The following MYH11 variants were observed in gnomAD, a reference collection of about 807,000 sequenced individuals.
MYH11 encodes the protein myosin heavy chain 11.
Under a neutral mutation model 246.6 loss-of-function variants are expected in MYH11, and 80 were observed. The ratio of observed to expected loss-of-function variants is 0.32; its 90% confidence interval spans 0.27 to 0.39. MYH11 has a LOEUF of 0.39. MYH11 is among the 10% of genes least tolerant of loss of function. The pLI, the probability that MYH11 is intolerant of heterozygous loss-of-function variation, is 1.00. For synonymous variants in MYH11, 1,071 were observed against 1,015.5 expected, an observed-to-expected ratio of 1.05 and a Z score of -1.04; for missense variants, 2,158 against 2,546.8, an observed-to-expected ratio of 0.85 and a Z score of 3.29.
intron 4 of MYH11, chr16:15,792,241 G>A: frequency 6.6e-6 from 1 of 152,044 alleles, no homozygotes; most frequent in East Asian, 1.9e-4. Context: ...TGATTTTGTG[G>A]GGTCTCGCTA....
chr16:15,763,741 T>TGGGCCC, intron 10 of MYH11, 55 bp downstream of exon 10: 4 of 646,856 alleles, frequency 6.2e-6, no homozygotes, highest in East Asian at 3.2e-5. Context: ...AAATGTCACC[T>TGGGCCC]CCCCCACCCC....
At chr16:15,812,333 T>C (rs142380255) in intron 3 of MYH11, among the ~76,000 whole-genome samples, 2 of 152,150 alleles carry the variant, frequency 1.3e-5, no homozygotes, top group East Asian at 3.9e-4. Flanking sequence ...AAGCATATGC[T>C]GAGGGCACAC....
intron 3 of MYH11, among the ~76,000 whole-genome samples, chr16:15,814,441 T>A (rs1036079314): frequency 5.4e-5 from 8 of 149,442 alleles, no homozygotes; most frequent in African/African-American, 1.7e-4. Context: ...TAATCCCAGC[T>A]ACTTGGGAGG....
chr16:15,720,361 C>G, intron 33 of MYH11, 49 bp from the exon 34 acceptor site: 1 of 1,586,920 alleles, frequency 6.3e-7, no homozygotes, highest in Non-Finnish European at 8.6e-7. Context: ...CCTGGGAGGT[C>G]CTTTGGCTCA....
At chr16:15,856,187 TG>T in intron 1 of MYH11, among the ~76,000 whole-genome samples, 1 of 150,226 alleles carries the variant, frequency 6.7e-6, no homozygotes, top group East Asian at 2.0e-4. Flanking sequence ...CCTGGGTATC[TG>T]GGGGCCCTTT....
chr16:15,764,011 T>A, intron 9 of MYH11, 120 bp from the exon 10 acceptor site: 1 of 783,348 alleles, frequency 1.3e-6, no homozygotes, highest in Non-Finnish European at 2.3e-6. Context: ...CTGAAGAAAC[T>A]AGATTCTGAG....
intron 27 of MYH11, among the ~76,000 whole-genome samples, chr16:15,727,968 T>C (rs2040847238): frequency 6.6e-6 from 1 of 151,108 alleles, no homozygotes; most frequent in African/African-American, 2.4e-5. Context: ...GAGACCCTGT[T>C]TCAGAAATAA....
chr16:15,811,598 T>A (rs1596881435), intron 3 of MYH11, among the ~76,000 whole-genome samples: 1 of 152,010 alleles, frequency 6.6e-6, no homozygotes, highest in Admixed American at 6.6e-5. Context: ...AGGACATCAG[T>A]GCCCTTCCTC....
chr16:15,717,853 C>G (rs1210289694), intron 37 of MYH11: 1 of 266,528 alleles, frequency 3.8e-6, no homozygotes, highest in Non-Finnish European at 7.3e-6. Flanking sequence ...AGTGACTTGT[C>G]CCTTGCTTTC....
intron 7 of MYH11, among the ~76,000 whole-genome samples, chr16:15,777,574 G>A (rs1166531113): frequency 6.6e-6 from 1 of 152,160 alleles, no homozygotes; most frequent in Non-Finnish European, 1.5e-5. Context: ...ATTGCTGAGA[G>A]GTGTGTGCAG....
chr16:15,850,902 AAAAAAAG>A (rs975622148), intron 1 of MYH11, among the ~76,000 whole-genome samples: 3 of 147,424 alleles, frequency 2.0e-5, no homozygotes, highest in Non-Finnish European at 2.9e-5. Flanking sequence ...CTCAAAAAGA[AAAAAAAG>A]AAAAAAGAAA....
chr16:15,787,237 A>G (rs1719377751), intron 4 of MYH11, among the ~76,000 whole-genome samples: 1 of 150,614 alleles, frequency 6.6e-6, no homozygotes, highest in South Asian at 2.1e-4. Flanking sequence ...CACAACCCTG[A>G]CTCTATAAAA....
intron 11 of MYH11, 28 bp downstream of exon 11, chr16:15,760,512 G>A (rs764571782): frequency 1.3e-6 from 2 of 1,505,390 alleles, no homozygotes; most frequent in Non-Finnish European, 1.9e-6. Context: ...TGGGTGCATG[G>A]ATGGATAAGT....
At chr16:15,853,568 C>G (rs2044383933) in intron 1 of MYH11, among the ~76,000 whole-genome samples, 1 of 152,230 alleles carries the variant, frequency 6.6e-6, no homozygotes, top group African/African-American at 2.4e-5. Flanking sequence ...GCTTCTTCCT[C>G]TGTCCTTGGA....
chr16:15,731,801 T>A (rs1053925110), intron 27 of MYH11, among the ~76,000 whole-genome samples: 1 of 151,786 alleles, frequency 6.6e-6, no homozygotes, highest in Non-Finnish European at 1.5e-5. Context: ...AGCCTATTTT[T>A]ATTGTTTGAT....
chr16:15,721,148 T>G, intron 32 of MYH11, 97 bp from the exon 33 acceptor site: 2 of 1,367,300 alleles, frequency 1.5e-6, no homozygotes, highest in Non-Finnish European at 2.0e-6. Context: ...ATCAGGGAGG[T>G]GGCTTTGGCC....
intron 36 of MYH11, 94 bp downstream of exon 36, chr16:15,719,126 T>C: frequency 7.8e-7 from 1 of 1,282,006 alleles, no homozygotes; most frequent in Non-Finnish European, 1.1e-6. Context: ...AAACTCTGTC[T>C]CGAAAAAATT....
intron 3 of MYH11, among the ~76,000 whole-genome samples, chr16:15,822,524 A>G (rs1158817534): frequency 6.6e-6 from 1 of 152,044 alleles, no homozygotes; most frequent in African/African-American, 2.4e-5. Flanking sequence ...AAACAAAACA[A>G]AACAAAACAA....
At chr16:15,830,783 C>A (rs2043714674) in intron 2 of MYH11, among the ~76,000 whole-genome samples, 1 of 151,692 alleles carries the variant, frequency 6.6e-6, no homozygotes, top group Non-Finnish European at 1.5e-5. Context: ...GAGGCTGGGG[C>A]GGGATGATCG....
Sources: gnomAD v4.1 joint callset for allele counts (sites outside exome capture counted in the v4.1 genomes callset) on GRCh38, gnomAD v4.1.1 for gene constraint, MANE v1.5 for transcripts, NCBI Gene and HGNC (gene_info 2026-07-23, HGNC 2026-07-21) for gene names.